Variants in SLC10A2 observed in about 807,000 individuals in gnomAD.
SLC10A2 encodes the protein ileal sodium/bile acid cotransporter.
SLC10A2 carries 34 observed loss-of-function variants against 27.1 expected under a neutral mutation model. The observed-to-expected ratio is 1.26, with a 90% CI of 0.96 to 1.67. The LOEUF (loss-of-function observed/expected upper bound fraction) is 1.67. Ranked by LOEUF, SLC10A2 falls within the 40% of genes most tolerant of loss-of-function variation. The probability of loss-of-function intolerance (pLI) is 0.00; values close to 1 mark genes in which losing one functional copy is unlikely to be tolerated. For synonymous variants in SLC10A2, 205 were observed against 174.0 expected, an observed-to-expected ratio of 1.18 and a Z score of -1.40; for missense variants, 530 against 444.4, an observed-to-expected ratio of 1.19 and a Z score of -1.73.
intron 5 of SLC10A2, among the ~76,000 whole-genome samples, chr13:103,047,348 A>C (rs1875642530): frequency 6.6e-6 from 1 of 152,288 alleles, no homozygotes; most frequent in Admixed American, 6.5e-5. Context: ...AAGCCACTGA[A>C]CCACACTATT....
chr13:103,053,895 A>G (rs1343229931), intron 2 of SLC10A2, among the ~76,000 whole-genome samples: 1 of 152,120 alleles, frequency 6.6e-6, no homozygotes, highest in Non-Finnish European at 1.5e-5. Flanking sequence ...GGAGGGAATA[A>G]TGGAAAAAAA....
intron 4 of SLC10A2, among the ~76,000 whole-genome samples, chr13:103,050,366 A>G (rs1388129162): frequency 6.6e-6 from 1 of 152,090 alleles, no homozygotes; most frequent in East Asian, 1.9e-4. Flanking sequence ...CTCTTTCCCA[A>G]CTTCATACAT....
chr13:103,049,205 C>A (rs59949705), intron 5 of SLC10A2, 84 bp downstream of exon 5: 1 of 1,411,432 alleles, frequency 7.1e-7, no homozygotes. Flanking sequence ...CCACCAGGAA[C>A]GGGGAGTTTT....
intron 1 of SLC10A2, among the ~76,000 whole-genome samples, chr13:103,059,770 C>T (rs1485255076): frequency 6.6e-6 from 1 of 152,178 alleles, no homozygotes; most frequent in Non-Finnish European, 1.5e-5. Flanking sequence ...GAATGGGCCT[C>T]CCTGGGCCCC....
At chr13:103,047,861 A>T (rs1875656572) in intron 5 of SLC10A2, among the ~76,000 whole-genome samples, 1 of 152,082 alleles carries the variant, frequency 6.6e-6, no homozygotes, top group Non-Finnish European at 1.5e-5. Flanking sequence ...GACATCATTA[A>T]GTAATTATTT....
At chr13:103,063,224 T>C (rs1057242205) in intron 1 of SLC10A2, among the ~76,000 whole-genome samples, 1 of 152,068 alleles carries the variant, frequency 6.6e-6, no homozygotes, top group African/African-American at 2.4e-5. Context: ...TTTTTGTTTT[T>C]CAAAGTCACT....
At position 103,051,261 on chromosome 13, in the gene SLC10A2, A is replaced by G. The variant is rs777067821; in HGVS notation, c.757T>C (p.Tyr253His). The change falls in exon 4 of 6, where the codon TAC becomes CAC. Residue 253 changes from tyrosine to histidine, a missense_variant. Tyr to His is a moderately conservative substitution (Grantham distance 83, BLOSUM62 2). Coordinates refer to ENST00000245312, the MANE Select transcript of SLC10A2 (RefSeq NM_000452.3). ...GTGATTTACTAAATGCCATACCTGT[A>G]CCAGGGTAGACCAGCAATTCTAGCC... ...LLARIAGLPW[Y>H]RCRTVAFETG... The G allele has an allele frequency of 1.2e-6, 2 of 1,613,894 alleles. No homozygotes were observed. Among genetic ancestry groups the G allele is most frequent in the East Asian group, 4.5e-5 (2 of 44,876 alleles).
intron 2 of SLC10A2, among the ~76,000 whole-genome samples, chr13:103,053,122 GTGTGTA>G (rs1351911669): frequency 6.0e-5 from 8 of 132,366 alleles, no homozygotes; most frequent in African/African-American, 1.2e-4. Context: ...GTGTGTGTGT[GTGTGTA>G]TGGCATACAA....
Position 103,049,382 on chromosome 13 carries a change from G to T in SLC10A2, c.826C>A (p.Leu276Ile). 1 of 1,614,044 alleles carries T rather than the reference G, an allele frequency of 6.2e-7. No individual in the cohort carries two copies. Among genetic ancestry groups the T allele is most frequent in the Non-Finnish European group, 8.5e-7 (1 of 1,179,946 alleles). ...TTGAGCTCCTCAGGAGTGAAGGAGA[G>T]CTGAACGATGGTGGAACATAGCTGC... is the stretch of plus-strand genomic sequence containing the variant. ...NTQLCSTIVQLSFTPEELNVV... is the reference protein window; with the variant it reads ...NTQLCSTIVQISFTPEELNVV... The change falls in exon 5 of 6, where the codon CTC becomes ATC. Residue 276 changes from leucine (L) to isoleucine (I), a missense_variant. By Grantham distance (5) the Leu-to-Ile change is conservative (BLOSUM62 2). Coordinates refer to ENST00000245312, the MANE Select transcript of SLC10A2 (RefSeq NM_000452.3).
rs202014867 is a variant in SLC10A2, at chr13:103,051,251, C to T, written c.761+6G>A. The T allele has an allele frequency of 6.8e-6, 11 of 1,613,556 alleles. No homozygotes were observed. Among genetic ancestry groups the T allele is most frequent in the East Asian group, 4.5e-5 (2 of 44,874 alleles). On this transcript the variant is annotated splice_donor_region_variant and intron_variant, in intron 4 of 5. Coordinates refer to ENST00000245312, the MANE Select transcript of SLC10A2 (RefSeq NM_000452.3). ...AATTCCCAATGTGATTTACTAAATG[C>T]CATACCTGTACCAGGGTAGACCAGC...
chr13:103,047,082 C>A (rs908311519), intron 5 of SLC10A2, among the ~76,000 whole-genome samples: 2 of 152,078 alleles, frequency 1.3e-5, no homozygotes, highest in Non-Finnish European at 2.9e-5. Context: ...CTTATAGGAC[C>A]CCTCGAATTC....
chr13:103,065,861 A>T lies in SLC10A2; in HGVS notation c.377+12T>A. ...AGGTGATTGCAGTAGTTAGAGGTAT[A>T]GATAATCTTACCTCAGGTCCATGTC... On this transcript the variant is annotated intron_variant, in intron 1 of 5. Coordinates refer to ENST00000245312, the MANE Select transcript of SLC10A2 (RefSeq NM_000452.3). 6.2e-7 allele frequency: 1 copy of T among 1,613,760 alleles called. No individual in the cohort carries two copies. Among genetic ancestry groups the T allele is most frequent in the Non-Finnish European group, 8.5e-7 (1 of 1,179,798 alleles).
chr13:103,054,483 T>C (rs1051766146), intron 2 of SLC10A2, among the ~76,000 whole-genome samples: 1 of 152,218 alleles, frequency 6.6e-6, no homozygotes, highest in South Asian at 2.1e-4. Context: ...TCTGGATATA[T>C]GACTTGTTTG....
intron 1 of SLC10A2, among the ~76,000 whole-genome samples, chr13:103,060,363 G>C (rs867405662): frequency 1.3e-5 from 2 of 148,766 alleles, no homozygotes. Flanking sequence ...ACTCTATTAA[G>C]AGCTGGTTGC....
chr13:103,058,268 G>A lies in SLC10A2; in HGVS notation c.492C>T (p.Asn164=). 6.4e-7 allele frequency: 1 copy of A among 1,556,164 alleles called. No homozygotes were observed. The highest frequency in any genetic ancestry group is 8.9e-7 in the Non-Finnish European group (1 of 1,127,202). ...DSGSIVIPYD[N]IGTSLVSLVV... ...TCTTACAGATGGATGACTTACCTAT[G>A]TTATCATAGGGAATTACGATGCTCC... The change falls in exon 2 of 6, where the codon AAC becomes AAT. Residue 164 remains asparagine, a synonymous_variant. Coordinates refer to ENST00000245312, the MANE Select transcript of SLC10A2 (RefSeq NM_000452.3).
Position 103,046,274 on chromosome 13 carries a change from CACAG to C in SLC10A2, c.920-18_920-15del. On this transcript the variant is annotated splice_polypyrimidine_tract_variant and intron_variant, in intron 5 of 5. Transcript: ENST00000245312. ...ATGCCACATAAACTAGAAAACAATACACAGACAGTTAAGTAAATTTTATAATAAT... is the reference window on the plus strand; with the variant it reads ...ATGCCACATAAACTAGAAAACAATACACAGTTAAGTAAATTTTATAATAAT... 2 of 1,601,398 alleles carry C rather than the reference CACAG, an allele frequency of 1.2e-6. No individual in the cohort carries two copies. Among genetic ancestry groups the C allele is most frequent in the Non-Finnish European group, 1.7e-6 (2 of 1,169,664 alleles).
At position 103,051,439 on chromosome 13, in the gene SLC10A2, A is replaced by G; in HGVS notation, c.586-7T>C. On this transcript the variant is annotated splice_polypyrimidine_tract_variant and splice_region_variant and intron_variant, in intron 3 of 5. Coordinates refer to ENST00000245312, the MANE Select transcript of SLC10A2 (RefSeq NM_000452.3). The stretch of plus-strand genomic sequence containing the variant: ...CGCCCGCGATGGACCCAATCTGAAA[A>G]AAAAAGGAATAAGTGAACCCAGCAA... 1 of 1,613,922 alleles carries G rather than the reference A, an allele frequency of 6.2e-7. No homozygotes were observed. The highest frequency in any genetic ancestry group is 8.5e-7 in the Non-Finnish European group (1 of 1,179,900).
chr13:103,060,968 G>A (rs1398234579), intron 1 of SLC10A2, among the ~76,000 whole-genome samples: 1 of 152,138 alleles, frequency 6.6e-6, no homozygotes, highest in Non-Finnish European at 1.5e-5. Flanking sequence ...AATTTGCACA[G>A]TTTGGCAAAA....
rs1875530896 is a variant in SLC10A2 at position 103,044,029 on chromosome 13, TTAAAA to T, written c.*2099_*2103del. The T allele has an allele frequency of 6.6e-6, 1 of 152,178 alleles. No homozygotes were observed. Among genetic ancestry groups the T allele is most frequent in the African/African-American group, 2.4e-5 (1 of 41,450 alleles). 9.4% of individuals were successfully genotyped at this position (152,178 alleles called of 1,614,324 possible). ...AAATCATTTTCATTTATTTAAGCCT[TTAAAA>T]TAAAATATTCATTTAATATGATACT... On this transcript the variant is annotated 3_prime_UTR_variant, in exon 6 of 6. Transcript: ENST00000245312.
Sources: allele counts gnomAD v4.1 joint callset (sites outside exome capture counted in the v4.1 genomes callset), GRCh38; gene constraint gnomAD v4.1.1; transcripts MANE v1.5; gene names NCBI Gene and HGNC (gene_info 2026-07-23, HGNC 2026-07-21).